CYB5R4: variants seen among roughly 807,000 people sequenced by gnomAD.
CYB5R4 encodes the protein cytochrome b5 reductase 4.
Under a neutral mutation model 70.2 loss-of-function variants are expected in CYB5R4, and 55 were observed. The ratio of observed to expected loss-of-function variants is 0.78; its 90% CI spans 0.63 to 0.98. The LOEUF is 0.98. Among genes scored for constraint, CYB5R4 ranks in the 50% least tolerant of loss-of-function variants. CYB5R4 has a pLI of 0.00. For synonymous variants in CYB5R4, 197 were observed against 199.5 expected (o/e 0.99, Z 0.11); for missense variants, 562 against 612.6 (o/e 0.92, Z 0.87).
At chr6:83,918,697 C>T (rs1473383835) in intron 6 of CYB5R4, among the ~76,000 whole-genome samples, 1 of 151,956 alleles carries the variant, frequency 6.6e-6, no homozygotes, top group Non-Finnish European at 1.5e-5. Context: ...TTAAGCAATA[C>T]ATATATATTT....
intron 4 of CYB5R4, among the ~76,000 whole-genome samples, chr6:83,911,027 AAAGT>A (rs2099464602): frequency 6.6e-6 from 1 of 152,222 alleles, no homozygotes; most frequent in African/African-American, 2.4e-5. Context: ...TGAATAGAAG[AAAGT>A]AAGGTAAAGA....
intron 2 of CYB5R4, among the ~76,000 whole-genome samples, chr6:83,871,870 C>T (rs547876160): frequency 6.6e-6 from 1 of 151,780 alleles, no homozygotes; most frequent in South Asian, 2.1e-4. Flanking sequence ...AATTTTTTCT[C>T]TCTTTTTTTT....
At chr6:83,874,880 T>G (rs2099458269) in intron 2 of CYB5R4, among the ~76,000 whole-genome samples, 1 of 152,038 alleles carries the variant, frequency 6.6e-6, no homozygotes, top group African/African-American at 2.4e-5. Flanking sequence ...TGGAGTGCAG[T>G]GGCGCGATCT....
chr6:83,921,403 A>G (rs1000352673), intron 8 of CYB5R4, among the ~76,000 whole-genome samples: 1 of 152,226 alleles, frequency 6.6e-6, no homozygotes, highest in Non-Finnish European at 1.5e-5. Context: ...AATCAAAATC[A>G]ATAATATAAA....
intron 2 of CYB5R4, among the ~76,000 whole-genome samples, chr6:83,864,591 A>G (rs1359342757): frequency 6.6e-6 from 1 of 152,212 alleles, no homozygotes; most frequent in Non-Finnish European, 1.5e-5. Flanking sequence ...TTGAAAGGAA[A>G]CAAGCATTTG....
At chr6:83,933,474 T>C (rs971795394) in intron 10 of CYB5R4, among the ~76,000 whole-genome samples, 4 of 152,162 alleles carry the variant, frequency 2.6e-5, no homozygotes, top group Non-Finnish European at 5.9e-5. Flanking sequence ...CTTCACTTTC[T>C]AAGATCTGGA....
At chr6:83,886,257 A>T (rs1373282904) in intron 2 of CYB5R4, among the ~76,000 whole-genome samples, 1 of 152,184 alleles carries the variant, frequency 6.6e-6, no homozygotes, top group Non-Finnish European at 1.5e-5. Context: ...CCATTAATTC[A>T]TGAATCTGCC....
intron 2 of CYB5R4, among the ~76,000 whole-genome samples, chr6:83,873,074 T>C (rs781145244): frequency 3.9e-5 from 6 of 152,188 alleles, no homozygotes; most frequent in Admixed American, 1.3e-4. Flanking sequence ...TGTTTTACTA[T>C]ATTCAGCTCT....
At chr6:83,863,186 A>T (rs1181181077) in intron 1 of CYB5R4, among the ~76,000 whole-genome samples, 1 of 152,230 alleles carries the variant, frequency 6.6e-6, no homozygotes, top group East Asian at 1.9e-4. Flanking sequence ...CCATCCTGTT[A>T]CTAAGTTCCC....
intron 14 of CYB5R4, among the ~76,000 whole-genome samples, chr6:83,954,719 T>G (rs190337844): frequency 6.6e-6 from 1 of 152,122 alleles, no homozygotes; most frequent in East Asian, 1.9e-4. Flanking sequence ...GGATCTTTAT[T>G]TCATTTATAT....
chr6:83,941,071 TTTTATG>T (rs1394470021), intron 14 of CYB5R4, among the ~76,000 whole-genome samples: 2 of 152,210 alleles, frequency 1.3e-5, no homozygotes, highest in Non-Finnish European at 2.9e-5. Context: ...GCAAAATTCC[TTTTATG>T]TTTGTTTGTT....
intron 4 of CYB5R4, among the ~76,000 whole-genome samples, chr6:83,914,048 ATAATC>A (rs545195514): frequency 5.6e-4 from 86 of 152,318 alleles, no homozygotes; most frequent in Admixed American, 2.4e-3. Flanking sequence ...TTTATGAAGT[ATAATC>A]TAATAAATTC....
chr6:83,900,926 G>T (rs983855045), intron 3 of CYB5R4, among the ~76,000 whole-genome samples: 2 of 134,262 alleles, frequency 1.5e-5, no homozygotes, highest in African/African-American at 6.2e-5. Flanking sequence ...TATCCAATTC[G>T]CTGTTTTGTG....
chr6:83,896,574 A>G (rs141814776), intron 3 of CYB5R4, among the ~76,000 whole-genome samples: 7 of 152,238 alleles, frequency 4.6e-5, no homozygotes, highest in African/African-American at 1.7e-4. Flanking sequence ...AGTTCCTTCC[A>G]TGTTGCTGCT....
chr6:83,869,643 A>G (rs924891968), intron 2 of CYB5R4, among the ~76,000 whole-genome samples: 1 of 152,192 alleles, frequency 6.6e-6, no homozygotes, highest in Admixed American at 6.5e-5. Context: ...AACCTGCCCA[A>G]CATGGCAAAA....
At chr6:83,875,297 TACTG>T (rs1301330600) in intron 2 of CYB5R4, among the ~76,000 whole-genome samples, 1 of 152,130 alleles carries the variant, frequency 6.6e-6, no homozygotes, top group Non-Finnish European at 1.5e-5. Context: ...TTTTTTTAGA[TACTG>T]AGTCTCACTA....
intron 3 of CYB5R4, among the ~76,000 whole-genome samples, chr6:83,896,304 T>C (rs2099461879): frequency 6.6e-6 from 1 of 152,334 alleles, no homozygotes; most frequent in Non-Finnish European, 1.5e-5. Flanking sequence ...ATCATCTTAG[T>C]ACCTTGCTCT....
intron 5 of CYB5R4, among the ~76,000 whole-genome samples, chr6:83,915,812 T>C (rs896732473): frequency 7.9e-5 from 12 of 152,208 alleles, no homozygotes; most frequent in African/African-American, 2.9e-4. Flanking sequence ...CTGCCTGCAT[T>C]CTATGTTACT....
At chr6:83,893,297 G>A (rs1032082633) in intron 2 of CYB5R4, among the ~76,000 whole-genome samples, 26 of 152,268 alleles carry the variant, frequency 1.7e-4, no homozygotes, top group African/African-American at 6.3e-4. Context: ...TCTGACCTAG[G>A]AGTCTCTTGT....
Sources: allele counts gnomAD v4.1 joint callset (sites outside exome capture counted in the v4.1 genomes callset), GRCh38; gene constraint gnomAD v4.1.1; transcripts MANE v1.5; gene names NCBI Gene and HGNC (gene_info 2026-07-23, HGNC 2026-07-21).